The following CHLSN variants were observed in gnomAD, a reference collection of about 807,000 sequenced individuals.
CHLSN encodes protein cholesin.
the CHLSN span, among the ~76,000 whole-genome samples, chr7:1,136,519 A>AT: frequency 1.0e-5 from 1 of 99,606 alleles, no homozygotes; most frequent in Admixed American, 1.1e-4. Flanking sequence ...AACATATATA[A>AT]ATATATATAA....
chr7:1,057,778 C>G, the CHLSN span: 8 of 775,822 alleles, frequency 1.0e-5, no homozygotes, highest in Admixed American at 1.2e-4. Flanking sequence ...CTCGGCCCCC[C>G]GAGCTCCCGG....
At chr7:1,018,570 G>A in the CHLSN span, among the ~76,000 whole-genome samples, 5 of 151,610 alleles carry the variant, frequency 3.3e-5, no homozygotes, top group African/African-American at 1.2e-4. Flanking sequence ...GTGGGCTCCA[G>A]CTGAGGTGTG....
the CHLSN span, among the ~76,000 whole-genome samples, chr7:1,004,674 T>C: frequency 6.6e-6 from 1 of 152,198 alleles, no homozygotes; most frequent in African/African-American, 2.4e-5. Flanking sequence ...CCCACGGCAC[T>C]GGGCGAGGCC....
At chr7:1,023,670 CACACA>C in the CHLSN span, among the ~76,000 whole-genome samples, 373 of 108,060 alleles carry the variant, frequency 3.5e-3, 3 homozygotes, top group African/African-American at 1.0e-2. The surrounding 1 kb of genome is among the most constrained non-coding windows in gnomAD (Gnocchi z 5.0). Flanking sequence ...CACACACACA[CACACA>C]CACCAGCAAC....
At chr7:1,048,057 G>A in the CHLSN span, among the ~76,000 whole-genome samples, 54 of 152,162 alleles carry the variant, frequency 3.5e-4, no homozygotes, top group African/African-American at 1.3e-3. Flanking sequence ...TGGCGGAGGG[G>A]TGTGGAGACA....
chr7:1,036,000 A>G, the CHLSN span, among the ~76,000 whole-genome samples: 1 of 152,188 alleles, frequency 6.6e-6, no homozygotes, highest in African/African-American at 2.4e-5. Flanking sequence ...GCGAAGTGAC[A>G]GGTGCCGGCT....
At chr7:988,846 T>C in the CHLSN span, 4 of 1,379,114 alleles carry the variant, frequency 2.9e-6, no homozygotes, top group Non-Finnish European at 3.9e-6. Flanking sequence ...CCCCAGGTCC[T>C]CCTGACCACT....
the CHLSN span, chr7:987,452 AG>A: frequency 2.5e-6 from 4 of 1,580,480 alleles, no homozygotes; most frequent in Non-Finnish European, 3.4e-6. Flanking sequence ...CACGAGGTGC[AG>A]CGGTTCATCA....
chr7:1,135,326 T>C, the CHLSN span, among the ~76,000 whole-genome samples: 5,154 of 152,114 alleles, frequency 0.034, 291 homozygotes, highest in African/African-American at 0.12. Flanking sequence ...TGTATATATA[T>C]AGCTATAGTT....
At chr7:1,000,720 C>T in the CHLSN span, among the ~76,000 whole-genome samples, 5 of 152,156 alleles carry the variant, frequency 3.3e-5, no homozygotes, top group Admixed American at 1.3e-4. Flanking sequence ...CTGCCCGAGG[C>T]GAGGAGCCGC....
At chr7:1,135,304 C>T in the CHLSN span, among the ~76,000 whole-genome samples, 157 of 150,080 alleles carry the variant, frequency 1.0e-3, 1 homozygote, top group African/African-American at 3.8e-3. Context: ...CAACTACACG[C>T]CAACTCAACT....
the CHLSN span, among the ~76,000 whole-genome samples, chr7:1,037,435 G>C: frequency 5.0e-4 from 61 of 122,930 alleles, no homozygotes; most frequent in Middle Eastern, 4.4e-3. Flanking sequence ...TGGTGGAGAC[G>C]GGGTTTCGCT....
the CHLSN span, chr7:985,380 AG>A: frequency 1.3e-6 from 2 of 1,524,526 alleles, no homozygotes; most frequent in Non-Finnish European, 1.8e-6. Flanking sequence ...ATGGGCGTGC[AG>A]CAGGAGGACG....
the CHLSN span, chr7:983,159 T>C: frequency 7.1e-7 from 1 of 1,410,454 alleles, no homozygotes; most frequent in African/African-American, 1.5e-5. Context: ...CCTATAAGGG[T>C]GCGGGGGGGA....
the CHLSN span, among the ~76,000 whole-genome samples, chr7:1,136,319 CAT>C: frequency 2.1e-4 from 18 of 84,106 alleles, no homozygotes; most frequent in African/African-American, 9.4e-4. Flanking sequence ...TATATATAAA[CAT>C]AAATATATAA....
chr7:1,030,341 C>T, the CHLSN span, among the ~76,000 whole-genome samples: 9 of 152,208 alleles, frequency 5.9e-5, no homozygotes, highest in Admixed American at 1.3e-4. Flanking sequence ...TTCTTCTCCC[C>T]GTAGTTCTGT....
chr7:1,001,346 TGTG>T, the CHLSN span, among the ~76,000 whole-genome samples: 1 of 148,800 alleles, frequency 6.7e-6, no homozygotes. Context: ...GTCCTGTGGG[TGTG>T]GAGCCCTGTG....
the CHLSN span, among the ~76,000 whole-genome samples, chr7:984,116 C>T: frequency 6.6e-6 from 1 of 152,208 alleles, no homozygotes; most frequent in African/African-American, 2.4e-5. Flanking sequence ...AGACAGCCAG[C>T]CCCCGACCTT....
At chr7:995,476 G>A in the CHLSN span, among the ~76,000 whole-genome samples, 2 of 152,188 alleles carry the variant, frequency 1.3e-5, no homozygotes, top group African/African-American at 2.4e-5. Flanking sequence ...TTTCTGACTC[G>A]GCTGCTGGGA....
Sources: gnomAD v4.1 joint callset for allele counts (sites outside exome capture counted in the v4.1 genomes callset) on GRCh38, gnomAD v4.1.1 for gene constraint, Gnocchi (gnomAD v3.1) non-coding constraint, MANE v1.5 for transcripts, NCBI Gene and HGNC (gene_info 2026-07-23, HGNC 2026-07-21) for gene names.